The following MYT1L variants were observed in gnomAD, a reference collection of about 807,000 sequenced individuals.
MYT1L encodes the protein myelin transcription factor 1-like protein.
MYT1L carries 12 observed loss-of-function variants against 126.7 expected under a neutral mutation model. The ratio of observed to expected loss-of-function variants is 0.09; its 90% CI spans 0.06 to 0.15. The LOEUF (loss-of-function observed/expected upper bound fraction) is 0.15, where lower values mean the gene tolerates loss of function less well. Ranked by LOEUF, MYT1L falls within the 10% of genes least tolerant of loss-of-function variation. The pLI, the probability that MYT1L is intolerant of heterozygous loss-of-function variation, is 1.00. For synonymous variants in MYT1L, 541 were observed against 604.2 expected (o/e 0.90, Z 1.53); for missense variants, 979 against 1,585.2 (o/e 0.62, Z 6.49).
At chr2:2,148,285 C>T (rs766789741) in intron 3 of MYT1L, among the ~76,000 whole-genome samples, 8 of 152,184 alleles carry the variant, frequency 5.3e-5, no homozygotes, top group Non-Finnish European at 8.8e-5. Context: ...TGGATGGTTT[C>T]GGGATGAAAC....
intron 2 of MYT1L, among the ~76,000 whole-genome samples, chr2:2,255,507 TC>T (rs1249769423): frequency 6.6e-6 from 1 of 152,172 alleles, no homozygotes; most frequent in East Asian, 1.9e-4. Flanking sequence ...GTGAAATCAT[TC>T]TACGATTTTC....
rs115279752 is a variant in MYT1L, at chr2:1,973,938, C to T, written c.152+5227G>A. ...GGCCTTCCCAGCCAGCAAACTGCTA[C>T]GAGGGTGAGGAGAAGAATATGCAGC... On this transcript the variant is annotated intron_variant, in intron 8 of 24. Transcript: ENST00000647738. 2.1e-3 allele frequency among the ~76,000 whole-genome samples: 317 copies of T among 152,304 alleles called. 1 individual carries two copies. Among genetic ancestry groups the T allele is most frequent in the African/African-American group, 7.4e-3 (308 of 41,562 alleles).
At chr2:2,323,160 T>G (rs2149709221) in intron 1 of MYT1L, among the ~76,000 whole-genome samples, 1 of 152,274 alleles carries the variant, frequency 6.6e-6, no homozygotes, top group African/African-American at 2.4e-5. Flanking sequence ...TTTAAATATC[T>G]TGTGTTTGAG....
At chr2:2,325,044 G>C (rs1193138915) in intron 1 of MYT1L, 2 of 152,472 alleles carry the variant, frequency 1.3e-5, no homozygotes, top group Non-Finnish European at 2.9e-5. Context: ...TAATAGATGA[G>C]AACTGTAAAT....
At chr2:2,006,426 A>G (rs1007055774) in intron 4 of MYT1L, among the ~76,000 whole-genome samples, 2 of 152,182 alleles carry the variant, frequency 1.3e-5, no homozygotes, top group African/African-American at 4.8e-5. Context: ...GTATAATTTT[A>G]TTAACTTTAG....
chr2:1,793,634 C>A lies in MYT1L; in HGVS notation c.3277-1170G>T, dbSNP rs1040590725. Among the ~76,000 whole-genome samples the A allele has an allele frequency of 6.6e-6, 1 of 152,192 alleles. No individual in the cohort carries two copies. The highest frequency in any genetic ancestry group is 6.5e-5 in the Admixed American group (1 of 15,280). On this transcript the variant is annotated intron_variant, in intron 23 of 24. Coordinates refer to ENST00000647738, the MANE Select transcript of MYT1L (RefSeq NM_001303052.2). The surrounding 1 kb of genome is among the most constrained non-coding windows in gnomAD (Gnocchi z 4.6). The stretch of plus-strand genomic sequence containing the variant: ...GACCCTCTGTTAGAAAACTGAAGCA[C>A]CTCAGAGGCGCCCTCCAGGATGAAG...
intron 1 of MYT1L, among the ~76,000 whole-genome samples, chr2:2,301,764 C>A (rs890804379): frequency 1.3e-5 from 2 of 149,444 alleles, no homozygotes; most frequent in Non-Finnish European, 3.0e-5. Context: ...GAGATCAGGG[C>A]TGCAGTGAGC....
At chr2:2,294,078 T>G (rs2095638115) in intron 1 of MYT1L, among the ~76,000 whole-genome samples, 2 of 152,178 alleles carry the variant, frequency 1.3e-5, no homozygotes, top group South Asian at 4.1e-4. Context: ...ATCTGGGTTC[T>G]AAAAGATATC....
chr2:1,982,434 GGAAGTTTGGAT>G (rs1454255869), intron 5 of MYT1L, among the ~76,000 whole-genome samples: 1 of 152,182 alleles, frequency 6.6e-6, no homozygotes, highest in Non-Finnish European at 1.5e-5. Context: ...GGGGTGTAGT[GGAAGTTTGGAT>G]GAGGCTTCCA....
At chr2:2,132,528 A>T (rs2082505870) in intron 3 of MYT1L, among the ~76,000 whole-genome samples, 1 of 151,034 alleles carries the variant, frequency 6.6e-6, no homozygotes, top group South Asian at 2.1e-4. Flanking sequence ...GAACAATGAG[A>T]ACACATGGAC....
chr2:1,820,144 G>A (rs896143758), intron 21 of MYT1L, among the ~76,000 whole-genome samples: 4 of 152,162 alleles, frequency 2.6e-5, no homozygotes, highest in African/African-American at 7.2e-5. Flanking sequence ...GAGTAAGAAG[G>A]GCTGGGGCTT....
At chr2:1,994,124 T>A (rs2061646409) in intron 5 of MYT1L, among the ~76,000 whole-genome samples, 1 of 152,214 alleles carries the variant, frequency 6.6e-6, no homozygotes, top group Admixed American at 6.5e-5. Flanking sequence ...ACGTTTTCGG[T>A]CATTCAGTCA....
intron 14 of MYT1L, among the ~76,000 whole-genome samples, chr2:1,897,011 A>G (rs2049678034): frequency 6.6e-6 from 1 of 152,244 alleles, no homozygotes; most frequent in South Asian, 2.1e-4. Flanking sequence ...AGTGGATGGT[A>G]CCGAATTTTA....
intron 21 of MYT1L, among the ~76,000 whole-genome samples, chr2:1,819,117 G>T (rs1452604019): frequency 6.6e-6 from 1 of 152,228 alleles, no homozygotes; most frequent in East Asian, 1.9e-4. Flanking sequence ...CATTCCTGCA[G>T]CCCAGGGAGT....
intron 2 of MYT1L, among the ~76,000 whole-genome samples, chr2:2,238,101 T>G (rs2094362041): frequency 6.6e-6 from 1 of 152,188 alleles, no homozygotes; most frequent in Non-Finnish European, 1.5e-5. Context: ...AGTTGAATAT[T>G]TTTCAGGATA....
At chr2:2,311,656 T>C (rs2095973013) in intron 1 of MYT1L, among the ~76,000 whole-genome samples, 1 of 152,162 alleles carries the variant, frequency 6.6e-6, no homozygotes, top group South Asian at 2.1e-4. Flanking sequence ...CCCATCTCTC[T>C]TCTCAAACTA....
chr2:1,874,221 A>C (rs1041151845), intron 18 of MYT1L, among the ~76,000 whole-genome samples: 3 of 151,904 alleles, frequency 2.0e-5, no homozygotes, highest in Admixed American at 1.3e-4. Flanking sequence ...ATGAATTTTA[A>C]ATGTAGGAGG....
At position 2,320,224 on chromosome 2, in the gene MYT1L, G is replaced by A. The variant is rs1038891499; in HGVS notation, c.-521+10743C>T. 9.9e-5 allele frequency among the ~76,000 whole-genome samples: 15 copies of A among 152,162 alleles called. 3 individuals are homozygous for A. The highest frequency in any genetic ancestry group is 4.2e-4 in the South Asian group (2 of 4,796). On this transcript the variant is annotated intron_variant, in intron 1 of 24. Coordinates refer to ENST00000647738, the MANE Select transcript of MYT1L (RefSeq NM_001303052.2). The stretch of plus-strand genomic sequence containing the variant: ...GCACTGAGTGTCTTCCCAGAGTGAC[G>A]TGTAAAAGCCCCAGAGCCTCTGCCC...
rs773715709 is a variant in MYT1L at position 1,979,238 on chromosome 2, A to T, written c.90-11T>A. 1 of 1,613,226 alleles carries T rather than the reference A, an allele frequency of 6.2e-7. No individual in the cohort carries two copies. The highest frequency in any genetic ancestry group is 1.7e-5 in the Admixed American group (1 of 59,984). ...CCAGGGGTGGGACAGCTGCAACAGG[A>T]AAGAATGGATTACACGGTGCCGCAG... On this transcript the variant is annotated splice_polypyrimidine_tract_variant and intron_variant, in intron 7 of 24. Coordinates refer to ENST00000647738, the MANE Select transcript of MYT1L (RefSeq NM_001303052.2). This position sits in a 1 kb window ranked among gnomAD's most constrained non-coding sequence, Gnocchi z 4.0.
Sources: allele counts gnomAD v4.1 joint callset (sites outside exome capture counted in the v4.1 genomes callset), GRCh38; gene constraint gnomAD v4.1.1; non-coding constraint Gnocchi (gnomAD v3.1); transcripts MANE v1.5; gene names NCBI Gene and HGNC (gene_info 2026-07-23, HGNC 2026-07-21).